The following IFRD1 variants were observed in gnomAD, a reference collection of about 807,000 sequenced individuals.
IFRD1 encodes the protein interferon-related developmental regulator 1.
IFRD1 carries 35 observed loss-of-function variants against 52.9 expected under a neutral mutation model. The ratio of observed to expected loss-of-function variants is 0.66; its 90% CI spans 0.51 to 0.88. The LOEUF (loss-of-function observed/expected upper bound fraction) is 0.88. Ranked by LOEUF, IFRD1 falls within the 40% of genes least tolerant of loss-of-function variation. The pLI is 0.00. For synonymous variants in IFRD1, 184 were observed against 188.4 expected, an observed-to-expected ratio of 0.98 and a Z score of 0.19; for missense variants, 517 against 550.8, an observed-to-expected ratio of 0.94 and a Z score of 0.61.
At chr7:112,448,388 G>C (rs1795077849), upstream of IFRD1, among the ~76,000 whole-genome samples, 1 of 152,220 alleles carries the variant, frequency 6.6e-6, no homozygotes, top group Non-Finnish European at 1.5e-5. Context: ...CTGGATGTTA[G>C]GCCTAGGTGA....
chr7:112,448,328 A>G (rs970841026), upstream of IFRD1, among the ~76,000 whole-genome samples: 1 of 152,174 alleles, frequency 6.6e-6, no homozygotes, highest in Non-Finnish European at 1.5e-5. Context: ...AGGGATTTGG[A>G]AAAAAAGCCC....
At chr7:112,461,492 CT>C (rs1795431495) in intron 5 of IFRD1, 2 of 158,824 alleles carry the variant, frequency 1.3e-5, no homozygotes, top group Admixed American at 6.5e-5. Context: ...TTTCAGAATG[CT>C]TTACTGACAT....
chr7:112,433,830 CT>C (rs35769207), intron 1 of IFRD1, among the ~76,000 whole-genome samples: 1 of 151,764 alleles, frequency 6.6e-6, no homozygotes, highest in Non-Finnish European at 1.5e-5. Flanking sequence ...AATATAATTT[CT>C]TTTTTTTGAG....
In IFRD1 at chr7:112,460,534, G is replaced by A. The variant is rs923268493; in HGVS notation, c.568-1332G>A. Among the ~76,000 whole-genome samples, 12 of 152,124 alleles carry A rather than the reference G, an allele frequency of 7.9e-5. No individual in the cohort carries two copies. In the East Asian group the frequency reaches 1.5e-3, roughly 20 times the overall value. ...GTTGAGATTATGGGTGTGAGCCACC[G>A]CACCCAGCCAGTCCTAGTTCTTTAA... is the stretch of plus-strand genomic sequence containing the variant. On this transcript the variant is annotated intron_variant, in intron 5 of 11. Transcript: ENST00000403825.
Position 112,456,086 on chromosome 7 carries a change from G to C in IFRD1, c.284G>C (p.Ser95Thr). 1 of 1,565,310 alleles carries C rather than the reference G, an allele frequency of 6.4e-7. No homozygotes were observed. ...TTAATTGACCTAACCCTGGATAAGA[G>C]GTAGGCAATACTGGAAACTCCATTC... Reference protein sequence around the residue: ...KGLIDLTLDKSAKTRQAALEG... With the variant: ...KGLIDLTLDKTAKTRQAALEG... The change falls in exon 3 of 12, where the codon AGT becomes ACT. Residue 95 changes from serine (S) to threonine (T), a missense_variant and splice_region_variant. Transcript: ENST00000403825.
intron 1 of IFRD1, among the ~76,000 whole-genome samples, chr7:112,454,588 T>A (rs1795242270): frequency 6.6e-6 from 1 of 152,184 alleles, no homozygotes; most frequent in Admixed American, 6.5e-5. Flanking sequence ...TACCAAAACT[T>A]CTATTTTAAG....
chr7:112,445,106 A>T (rs368981645), intron 1 of IFRD1, among the ~76,000 whole-genome samples: 2 of 128,372 alleles, frequency 1.6e-5, no homozygotes, highest in East Asian at 2.1e-4. Context: ...TCGCTCTGTC[A>T]CCCAGGCTGG....
chr7:112,429,105 A>G (rs1350649921), intron 1 of IFRD1, among the ~76,000 whole-genome samples: 2 of 152,200 alleles, frequency 1.3e-5, no homozygotes, highest in African/African-American at 4.8e-5. Flanking sequence ...AGACCTATCT[A>G]CCAATTGAGT....
At chr7:112,424,197 C>T (rs1350084418) in intron 1 of IFRD1, among the ~76,000 whole-genome samples, 1 of 152,060 alleles carries the variant, frequency 6.6e-6, no homozygotes, top group Non-Finnish European at 1.5e-5. Flanking sequence ...GTCGAGCTGG[C>T]ACCATTGCAG....
In IFRD1 at chr7:112,476,883, A is replaced by T. The variant is rs1312313851; in HGVS notation, c.*1364A>T. ...GTAGGGAGAAGTATCAAAATCATTT[A>T]AGGTCTTTTTTCCAAACTAGTGTTC... On this transcript the variant is annotated 3_prime_UTR_variant, in exon 12 of 12. Coordinates refer to ENST00000403825, the MANE Select transcript of IFRD1 (RefSeq NM_001550.4). 1 of 152,096 alleles carries T rather than the reference A, an allele frequency of 6.6e-6. No homozygotes were observed. The highest frequency in any genetic ancestry group is 1.5e-5 in the Non-Finnish European group (1 of 68,012). The allele number at this position is 152,096 out of a possible 1,614,324, so 9.4% of individuals were successfully genotyped here.
chr7:112,441,967 GA>G (rs1274692818), intron 1 of IFRD1, among the ~76,000 whole-genome samples: 1 of 151,950 alleles, frequency 6.6e-6, no homozygotes, highest in African/African-American at 2.4e-5. Flanking sequence ...CAGAATTTAA[GA>G]AAAAAATGGA....
chr7:112,476,658 CA>C lies in IFRD1; in HGVS notation c.*1145del, dbSNP rs1289240926. ...GTGAGACCTTGTCTCAAAAGCAAAA[CA>C]AAAAAGAATATTGCTGCTTGTTTGC... On this transcript the variant is annotated 3_prime_UTR_variant, in exon 12 of 12. Transcript: ENST00000403825. 1 of 151,968 alleles carries C rather than the reference CA, an allele frequency of 6.6e-6. No individual in the cohort carries two copies. The highest frequency in any genetic ancestry group is 1.9e-4 in the East Asian group (1 of 5,186). The allele number at this position is 151,968 out of a possible 1,614,324, so 9.4% of individuals were successfully genotyped here. A position where few individuals can be genotyped will look rare whatever the true frequency, so the allele number is the denominator to read the frequency against.
chr7:112,451,934 T>C, intron 1 of IFRD1: 2 of 841,028 alleles, frequency 2.4e-6, no homozygotes, highest in Non-Finnish European at 2.9e-6. Flanking sequence ...TTGTTAAAGG[T>C]TATTGGAAAC....
At chr7:112,442,706 T>C (rs3109106) in intron 1 of IFRD1, among the ~76,000 whole-genome samples, 14,255 of 152,246 alleles carry the variant, frequency 0.094, 938 homozygotes, top group African/African-American at 0.17. Context: ...CTGAGTTCTG[T>C]TGCTGGACTA....
chr7:112,450,756 C>T lies in IFRD1; in HGVS notation c.68C>T (p.Ala23Val). The T allele has an allele frequency of 2.5e-6, 4 of 1,612,388 alleles. No individual in the cohort carries two copies. The highest frequency in any genetic ancestry group is 3.4e-6 in the Non-Finnish European group (4 of 1,179,644). Residue 23 changes from alanine to valine, a missense_variant, in exon 1 of 12, where the codon GCA becomes GTA. Ala to Val is a moderately conservative substitution (Grantham distance 64, BLOSUM62 0). Coordinates refer to ENST00000403825, the MANE Select transcript of IFRD1 (RefSeq NM_001550.4). ...GSSAGGGGSG[A>V]AAATAATAGG... ...AGTGCTGGCGGCGGCGGGTCAGGAGCAGCCGCAGCGACGGCGGCGACAGCA... is the reference window on the plus strand; with the variant it reads ...AGTGCTGGCGGCGGCGGGTCAGGAGTAGCCGCAGCGACGGCGGCGACAGCA...
chr7:112,427,631 T>C (rs1478613291), intron 1 of IFRD1, among the ~76,000 whole-genome samples: 2 of 152,228 alleles, frequency 1.3e-5, no homozygotes, highest in African/African-American at 4.8e-5. Context: ...TCCCTTTTAC[T>C]GATTATTCTG....
At chr7:112,428,182 G>A (rs959103406) in intron 1 of IFRD1, among the ~76,000 whole-genome samples, 5 of 152,234 alleles carry the variant, frequency 3.3e-5, no homozygotes, top group African/African-American at 1.2e-4. Context: ...TGTGAGAAGT[G>A]CAAAGCAAGG....
chr7:112,456,630 T>A (rs1795299046), intron 3 of IFRD1, among the ~76,000 whole-genome samples: 1 of 152,212 alleles, frequency 6.6e-6, no homozygotes, highest in Non-Finnish European at 1.5e-5. Context: ...ACATTAAAAC[T>A]ATACTTGTAC....
upstream of IFRD1, among the ~76,000 whole-genome samples, chr7:112,447,480 T>C (rs1795055945): frequency 6.6e-6 from 1 of 152,222 alleles, no homozygotes; most frequent in African/African-American, 2.4e-5. Context: ...TCAATTTTGT[T>C]TGCGAATGAG....
Sources: allele counts gnomAD v4.1 joint callset (sites outside exome capture counted in the v4.1 genomes callset), GRCh38; gene constraint gnomAD v4.1.1; transcripts MANE v1.5; gene names NCBI Gene and HGNC (gene_info 2026-07-23, HGNC 2026-07-21).